Variants in SNRNP70 observed in about 807,000 individuals in gnomAD.
SNRNP70 encodes the protein small nuclear ribonucleoprotein U1 subunit 70.
A neutral mutation model predicts 50.5 loss-of-function variants in SNRNP70; 8 were observed. The observed-to-expected ratio is 0.16, with a 90% CI of 0.09 to 0.29. The LOEUF (loss-of-function observed/expected upper bound fraction) is 0.29, where lower values mean the gene tolerates loss of function less well. Ranked by LOEUF, SNRNP70 falls within the 10% of genes least tolerant of loss-of-function variation. SNRNP70 has a pLI of 1.00. For synonymous variants in SNRNP70, 320 were observed against 252.9 expected (o/e 1.27, Z -2.52); for missense variants, 529 against 663.5 (o/e 0.80, Z 2.23).
In SNRNP70 at chr19:49,108,465, CTG is replaced by C. The variant is rs1214705079; in HGVS notation, c.*26_*27del. ...GTGAAGAGGTCGTCCTCTCCATCTG[CTG>C]TGTTTGGACGCGTTCCTGCCCAGCC... On this transcript the variant is annotated 3_prime_UTR_variant, in exon 10 of 10. Coordinates refer to ENST00000598441, the MANE Select transcript of SNRNP70 (RefSeq NM_003089.6). The C allele has an allele frequency of 5.7e-6, 9 of 1,574,344 alleles. No homozygotes were observed. Among genetic ancestry groups the C allele is most frequent in the African/African-American group, 1.4e-5 (1 of 73,764 alleles).
At position 49,098,726 on chromosome 19, in the gene SNRNP70, G is replaced by A. The variant is rs1030398387; in HGVS notation, c.393+22G>A. On this transcript the variant is annotated intron_variant, in intron 6 of 9. Transcript: ENST00000598441. ...AAGAGTAAGTGGAGTGGGTCAGGGTGTTTGAATTGGGGGTGCATGGAGGAG... is the reference window on the plus strand; with the variant it reads ...AAGAGTAAGTGGAGTGGGTCAGGGTATTTGAATTGGGGGTGCATGGAGGAG... 19 of 1,600,830 alleles carry A rather than the reference G, an allele frequency of 1.2e-5. No individual in the cohort carries two copies. The African/African-American group carries it at 1.7e-4, about 15-fold the overall frequency.
At chr19:49,096,430 G>A (rs1406073586) in intron 4 of SNRNP70, among the ~76,000 whole-genome samples, 1 of 152,154 alleles carries the variant, frequency 6.6e-6, no homozygotes, top group Non-Finnish European at 1.5e-5. Flanking sequence ...ATTTGTCCCA[G>A]ATAGCGATTC....
chr19:49,091,166 C>T (rs542973124), intron 4 of SNRNP70, among the ~76,000 whole-genome samples: 4 of 152,078 alleles, frequency 2.6e-5, no homozygotes, highest in South Asian at 4.2e-4. Context: ...GTCAGGAGTT[C>T]GAGACCAGCC....
At chr19:49,105,596 G>A (rs183271408) in intron 8 of SNRNP70, among the ~76,000 whole-genome samples, 30 of 152,164 alleles carry the variant, frequency 2.0e-4, no homozygotes, top group Non-Finnish European at 2.6e-4. Context: ...GCGTGGTGGC[G>A]GGTGCCTGTA....
intron 4 of SNRNP70, among the ~76,000 whole-genome samples, chr19:49,091,766 C>T (rs540652475): frequency 3.3e-5 from 5 of 152,198 alleles, no homozygotes; most frequent in African/African-American, 7.2e-5. Flanking sequence ...TGGACATTGG[C>T]TGTCGGAACG....
At position 49,104,020 on chromosome 19, in the gene SNRNP70, A is replaced by T. The variant is rs1482445795; in HGVS notation, c.476-614A>T. On this transcript the variant is annotated intron_variant, in intron 7 of 9. Transcript: ENST00000598441. The surrounding 1 kb of genome is among the most constrained non-coding windows in gnomAD (Gnocchi z 5.4). The stretch of plus-strand genomic sequence containing the variant: ...TCTCCCCTGCTGCAGGGGCCCCGCC[A>T]GGCCCCCTGGGAGTGTATAACCCGC... 6.6e-6 allele frequency: 1 copy of T among 152,092 alleles called. No homozygotes were observed. The highest frequency in any genetic ancestry group is 1.5e-5 in the Non-Finnish European group (1 of 68,164). The allele number at this position is 152,092 out of a possible 1,614,324, so 9.4% of individuals were successfully genotyped here.
chr19:49,086,448 C>G lies in SNRNP70; in HGVS notation c.34C>G (p.Leu12Val). The G allele has an allele frequency of 6.2e-7, 1 of 1,614,002 alleles. No homozygotes were observed. Among genetic ancestry groups the G allele is most frequent in the Non-Finnish European group, 8.5e-7 (1 of 1,179,942 alleles). ...TQFLPPNLLALFAPRDPIPYL... is the reference protein window; with the variant it reads ...TQFLPPNLLAVFAPRDPIPYL... ...GTTCCTGCCGCCCAACCTTCTGGCC[C>G]TCTTTGCCCCCCGTGACCCTATTCC... The change falls in exon 2 of 10, where the codon CTC becomes GTC. Residue 12 changes from leucine to valine, a missense_variant. Transcript: ENST00000598441.
chr19:49,099,214 G>A (rs2040550146), intron 6 of SNRNP70, among the ~76,000 whole-genome samples: 1 of 152,192 alleles, frequency 6.6e-6, no homozygotes, highest in South Asian at 2.1e-4. Context: ...GTGAGGGCTT[G>A]AGGCCATCCT....
intron 4 of SNRNP70, among the ~76,000 whole-genome samples, chr19:49,091,278 A>G (rs569735281): frequency 9.2e-5 from 14 of 151,382 alleles, no homozygotes; most frequent in Non-Finnish European, 1.8e-4. Flanking sequence ...CTGAGGCAGG[A>G]GAATCTCCTG....
chr19:49,106,815 A>G (rs1243652497), intron 8 of SNRNP70, among the ~76,000 whole-genome samples: 1 of 152,152 alleles, frequency 6.6e-6, no homozygotes, highest in Non-Finnish European at 1.5e-5. Context: ...TGACACACAC[A>G]CATCCACCTT....
chr19:49,086,358 C>G, intron 1 of SNRNP70, 47 bp from the exon 2 acceptor site: 2 of 1,544,012 alleles, frequency 1.3e-6, no homozygotes, highest in African/African-American at 1.4e-5. Flanking sequence ...GGGGCTTTCT[C>G]TGTGCAGACC....
chr19:49,101,876 C>T (rs74459731), intron 7 of SNRNP70, among the ~76,000 whole-genome samples: 61 of 152,082 alleles, frequency 4.0e-4, no homozygotes, highest in Admixed American at 1.6e-3. Context: ...TCTTCCCCCC[C>T]CAGTAGAACT....
chr19:49,105,672 G>C (rs984356096), intron 8 of SNRNP70, among the ~76,000 whole-genome samples: 5 of 152,036 alleles, frequency 3.3e-5, no homozygotes, highest in African/African-American at 1.2e-4. Context: ...GTTGCAGTGA[G>C]CCAAGATAGA....
chr19:49,107,576 G>C lies in SNRNP70; in HGVS notation c.578-49G>C. 1 of 1,573,946 alleles carries C rather than the reference G, an allele frequency of 6.4e-7. No homozygotes were observed. Among genetic ancestry groups the C allele is most frequent in the South Asian group, 1.1e-5 (1 of 90,302 alleles). On this transcript the variant is annotated intron_variant, in intron 8 of 9. Coordinates refer to ENST00000598441, the MANE Select transcript of SNRNP70 (RefSeq NM_003089.6). This position sits in a 1 kb window ranked among gnomAD's most constrained non-coding sequence, Gnocchi z 6.0. ...GAGTCGGCTCATTTCTGCTCCTCCG[G>C]GCCCTGTCCCTGCCCAGATTCACCC...
At chr19:49,101,877 C>T (rs1050367159) in intron 7 of SNRNP70, among the ~76,000 whole-genome samples, 1 of 151,836 alleles carries the variant, frequency 6.6e-6, no homozygotes, top group Non-Finnish European at 1.5e-5. Flanking sequence ...CTTCCCCCCC[C>T]AGTAGAACTG....
intron 4 of SNRNP70, among the ~76,000 whole-genome samples, chr19:49,094,428 G>A (rs2040487490): frequency 6.6e-6 from 1 of 152,116 alleles, no homozygotes; most frequent in Non-Finnish European, 1.5e-5. Context: ...GAACTCAGGA[G>A]GCAGAGGTTG....
chr19:49,099,183 G>A (rs372775669), intron 6 of SNRNP70, among the ~76,000 whole-genome samples: 6 of 152,294 alleles, frequency 3.9e-5, no homozygotes, highest in African/African-American at 1.2e-4. Context: ...CATGGGAGAC[G>A]CATGCCTTCA....
intron 8 of SNRNP70, among the ~76,000 whole-genome samples, chr19:49,105,778 T>G (rs2040659645): frequency 6.6e-6 from 1 of 151,808 alleles, no homozygotes; most frequent in South Asian, 2.1e-4. Flanking sequence ...ACCTGTGATG[T>G]GTGACAGCCC....
chr19:49,087,072 T>TG (rs74182036), intron 2 of SNRNP70, among the ~76,000 whole-genome samples: 1 of 146,984 alleles, frequency 6.8e-6, no homozygotes, highest in Non-Finnish European at 1.5e-5. Flanking sequence ...TCCAGCTACT[T>TG]GGGAGGCTGA....
Sources: allele counts gnomAD v4.1 joint callset (sites outside exome capture counted in the v4.1 genomes callset), GRCh38; gene constraint gnomAD v4.1.1; non-coding constraint Gnocchi (gnomAD v3.1); transcripts MANE v1.5; gene names NCBI Gene and HGNC (gene_info 2026-07-23, HGNC 2026-07-21).